Variants in MARK4 observed in about 807,000 individuals in gnomAD.
The protein encoded by MARK4 is microtubule affinity regulating kinase 4, also known as MAP/microtubule affinity-regulating kinase 4.
MARK4 carries 19 observed loss-of-function variants against 81.5 expected under a neutral mutation model. The ratio of observed to expected loss-of-function variants is 0.23; its 90% CI spans 0.16 to 0.34. The LOEUF is 0.34. Among genes scored for constraint, MARK4 ranks in the 10% least tolerant of loss-of-function variants. The pLI is 1.00. For missense variants in MARK4, 772 were observed against 1,058.8 expected (o/e 0.73, Z 3.76); for synonymous variants, 436 against 439.0 (o/e 0.99, Z 0.08).
chr19:45,281,254 A>T (rs992325107), intron 12 of MARK4, among the ~76,000 whole-genome samples: 1 of 151,588 alleles, frequency 6.6e-6, no homozygotes, highest in Non-Finnish European at 1.5e-5. Flanking sequence ...GGGTTTCACC[A>T]TGTTGGCCAA....
intron 16 of MARK4, among the ~76,000 whole-genome samples, chr19:45,300,455 T>G (rs566634033): frequency 2.0e-5 from 3 of 150,718 alleles, no homozygotes; most frequent in Middle Eastern, 3.2e-3. Flanking sequence ...GCACAATGTT[T>G]GCTGGCAGCT....
chr19:45,263,197 G>C, intron 3 of MARK4, 31 bp downstream of exon 3: 1 of 1,612,450 alleles, frequency 6.2e-7, no homozygotes, highest in Non-Finnish European at 8.5e-7. Context: ...GAGAGCAGGA[G>C]CCAGGCTTCC....
chr19:45,281,893 TGACA>T (rs1193289123), intron 12 of MARK4, among the ~76,000 whole-genome samples: 4 of 152,136 alleles, frequency 2.6e-5, no homozygotes, highest in South Asian at 2.1e-4. Flanking sequence ...ATTCTGCAAC[TGACA>T]GACATCTCAT....
intron 16 of MARK4, among the ~76,000 whole-genome samples, 180 bp downstream of exon 16, chr19:45,300,035 C>T (rs936272433): frequency 2.0e-5 from 3 of 152,230 alleles, no homozygotes; most frequent in Admixed American, 1.3e-4. Context: ...ACCCCAAGCA[C>T]CTTCCCTTGA....
chr19:45,287,802 A>G (rs1196542055), intron 13 of MARK4, 138 bp downstream of exon 13: 3 of 1,008,404 alleles, frequency 3.0e-6, no homozygotes, highest in Middle Eastern at 2.0e-4. Context: ...TTCAACAAAC[A>G]TTTATCGAGT....
chr19:45,267,578 G>A (rs1970472475), intron 7 of MARK4, among the ~76,000 whole-genome samples: 1 of 152,348 alleles, frequency 6.6e-6, no homozygotes, highest in African/African-American at 2.4e-5. Context: ...CGGTTGTCTT[G>A]ACTGTCGTTT....
chr19:45,251,428 C>T lies in MARK4; in HGVS notation c.-161C>T, dbSNP rs1366066175. 4.1e-6 allele frequency: 2 copies of T among 485,936 alleles called. No homozygotes were observed. The highest frequency in any genetic ancestry group is 7.2e-6 in the Non-Finnish European group (2 of 277,008). The allele number at this position is 485,936 out of a possible 1,614,324, so 30.1% of individuals were successfully genotyped here. On this transcript the variant is annotated 5_prime_UTR_variant, in exon 1 of 17. Coordinates refer to ENST00000262891, the MANE Select transcript of MARK4 (RefSeq NM_001199867.2). ...AGGACCCTCGGCGTCCCTTCCCCTC[C>T]CCCGCCCTGCCCCCTCTCCCGCCGC... is the stretch of plus-strand genomic sequence containing the variant.
intron 8 of MARK4, among the ~76,000 whole-genome samples, chr19:45,276,853 T>A (rs1970604561): frequency 6.6e-6 from 1 of 151,762 alleles, no homozygotes; most frequent in Non-Finnish European, 1.5e-5. Context: ...CTGGCTGGTT[T>A]CGATCTCCTG....
At chr19:45,286,207 C>T (rs1229682379) in intron 12 of MARK4, among the ~76,000 whole-genome samples, 5 of 152,098 alleles carry the variant, frequency 3.3e-5, no homozygotes, top group Admixed American at 2.0e-4. Context: ...AGGTGCATGC[C>T]ACCATGCCCA....
chr19:45,262,458 G>A (rs1246468836), intron 2 of MARK4, among the ~76,000 whole-genome samples: 1 of 152,198 alleles, frequency 6.6e-6, no homozygotes, highest in African/African-American at 2.4e-5. Flanking sequence ...CATAGTCCTT[G>A]TAGTGAGGGC....
chr19:45,281,834 T>G (rs1477010919), intron 12 of MARK4, among the ~76,000 whole-genome samples: 1 of 152,036 alleles, frequency 6.6e-6, no homozygotes, highest in African/African-American at 2.4e-5. Flanking sequence ...CACACTGAAG[T>G]AAAGGAGGCT....
At chr19:45,297,079 A>C (rs1314303067) in intron 14 of MARK4, among the ~76,000 whole-genome samples, 1 of 149,646 alleles carries the variant, frequency 6.7e-6, no homozygotes, top group Non-Finnish European at 1.5e-5. Flanking sequence ...TTAGCCAGGC[A>C]TGGTGGCACA....
intron 4 of MARK4, 23 bp from the exon 5 acceptor site, chr19:45,264,661 T>G: frequency 6.2e-7 from 1 of 1,613,524 alleles, no homozygotes; most frequent in Non-Finnish European, 8.5e-7. Context: ...CCTAATGCCC[T>G]ACACTGTTCC....
At chr19:45,297,048 C>CAA (rs35511511) in intron 14 of MARK4, among the ~76,000 whole-genome samples, 1,615 of 90,438 alleles carry the variant, frequency 0.018, 49 homozygotes, top group African/African-American at 0.057. Flanking sequence ...GACTCTGTCT[C>CAA]AAAAAAAAAA....
chr19:45,298,398 G>T (rs1280238832), intron 15 of MARK4, among the ~76,000 whole-genome samples: 3 of 152,156 alleles, frequency 2.0e-5, no homozygotes, highest in Non-Finnish European at 4.4e-5. Flanking sequence ...GGTTCAAATG[G>T]CAGCTCTGCC....
At chr19:45,270,451 G>T (rs1382459171) in intron 7 of MARK4, among the ~76,000 whole-genome samples, 2 of 152,060 alleles carry the variant, frequency 1.3e-5, no homozygotes, top group African/African-American at 4.8e-5. Flanking sequence ...CGTTTTCCTG[G>T]GTCTTGAGCA....
chr19:45,288,871 G>A (rs1018686571), intron 13 of MARK4, among the ~76,000 whole-genome samples: 9 of 123,380 alleles, frequency 7.3e-5, no homozygotes, highest in South Asian at 2.5e-4. Flanking sequence ...AAAAAAAGTC[G>A]TGGGAAGCAG....
At chr19:45,274,303 C>G (rs1568495438) in intron 8 of MARK4, among the ~76,000 whole-genome samples, 1 of 151,670 alleles carries the variant, frequency 6.6e-6, no homozygotes. Context: ...TTTTTAAGGA[C>G]TGGCTGAGAT....
intron 9 of MARK4, 149 bp from the exon 10 acceptor site, chr19:45,278,367 G>A (rs1347248822): frequency 2.7e-6 from 2 of 739,660 alleles, no homozygotes; most frequent in East Asian, 5.0e-5. Context: ...GGGGACGTGG[G>A]GGAGAGAGAG....
Sources: allele counts gnomAD v4.1 joint callset (sites outside exome capture counted in the v4.1 genomes callset), GRCh38; gene constraint gnomAD v4.1.1; transcripts MANE v1.5; gene names NCBI Gene and HGNC (gene_info 2026-07-23, HGNC 2026-07-21).